The following DLGAP1 variants were observed in gnomAD, a reference collection of about 807,000 sequenced individuals.
DLGAP1 encodes the protein disks large-associated protein 1.
Under a neutral mutation model 90.8 loss-of-function variants are expected in DLGAP1, and 11 were observed. That is an observed-to-expected ratio of 0.12 (90% confidence interval 0.08 to 0.20). DLGAP1 has a LOEUF of 0.20. DLGAP1 is among the 10% of genes least tolerant of loss of function. The pLI, the probability that DLGAP1 is intolerant of heterozygous loss-of-function variation, is 1.00. For missense variants in DLGAP1, 1,050 were observed against 1,333.8 expected (o/e 0.79, Z 3.31); for synonymous variants, 558 against 540.7 (o/e 1.03, Z -0.44).
intron 5 of DLGAP1, among the ~76,000 whole-genome samples, chr18:3,749,148 C>CTTTTTT (rs776707431): frequency 8.1e-4 from 98 of 120,624 alleles, no homozygotes; most frequent in Non-Finnish European, 1.0e-3. Flanking sequence ...TCTTCTTCTT[C>CTTTTTT]TTTTTTTTTT....
At chr18:3,857,580 T>C (rs939393429) in intron 4 of DLGAP1, among the ~76,000 whole-genome samples, 41 of 152,210 alleles carry the variant, frequency 2.7e-4, no homozygotes, top group African/African-American at 8.4e-4. Context: ...TCCTTGGTAG[T>C]TGACTTTGTT....
intron 2 of DLGAP1, among the ~76,000 whole-genome samples, chr18:4,029,931 T>G (rs1313922787): frequency 6.6e-6 from 1 of 152,210 alleles, no homozygotes; most frequent in African/African-American, 2.4e-5. Context: ...ACAGCATTGA[T>G]CACCTTCTCA....
Position 3,582,239 on chromosome 18 carries a change from C to G in DLGAP1, c.1601G>C (p.Cys534Ser). 1.2e-6 allele frequency: 2 copies of G among 1,611,676 alleles called. No individual in the cohort carries two copies. Among genetic ancestry groups the G allele is most frequent in the Non-Finnish European group, 1.7e-6 (2 of 1,178,436 alleles). ...TGGTGTCTTCTTATATGTTGTAATGCAAGATGACACTGGAAGACAGTGAAA... is the reference window on the plus strand; with the variant it reads ...TGGTGTCTTCTTATATGTTGTAATGGAAGATGACACTGGAAGACAGTGAAA... Reference protein sequence around the residue: ...RTIQSSTVSSCITTYKKTPPP... With the variant: ...RTIQSSTVSSSITTYKKTPPP... Residue 534 changes from cysteine to serine, a missense_variant, in exon 8 of 13, where the codon TGC becomes TCC. Cys to Ser is a moderately radical substitution (Grantham distance 112). Transcript: ENST00000315677.
chr18:3,743,902 G>A (rs1034438258), intron 5 of DLGAP1, among the ~76,000 whole-genome samples: 1 of 152,102 alleles, frequency 6.6e-6, no homozygotes, highest in South Asian at 2.1e-4. Flanking sequence ...TGCCTGCCTC[G>A]GCCTCCCAAA....
At chr18:4,220,205 C>G (rs2078045528) in intron 1 of DLGAP1, among the ~76,000 whole-genome samples, 1 of 151,996 alleles carries the variant, frequency 6.6e-6, no homozygotes, top group African/African-American at 2.4e-5. Context: ...TAAATTTACC[C>G]CTAAGTATTT....
intron 1 of DLGAP1, among the ~76,000 whole-genome samples, chr18:4,240,296 C>T (rs1347603583): frequency 6.6e-6 from 1 of 151,962 alleles, no homozygotes; most frequent in African/African-American, 2.4e-5. Flanking sequence ...TATATTTATG[C>T]ATTAAAATCT....
chr18:4,227,560 C>A (rs533436230), intron 1 of DLGAP1, among the ~76,000 whole-genome samples: 1 of 151,686 alleles, frequency 6.6e-6, no homozygotes, highest in Non-Finnish European at 1.5e-5. Context: ...TAAAACTATG[C>A]AAACACATGG....
chr18:3,805,015 C>T (rs978900328), intron 5 of DLGAP1, among the ~76,000 whole-genome samples: 1 of 152,156 alleles, frequency 6.6e-6, no homozygotes, highest in Non-Finnish European at 1.5e-5. Context: ...TCATCTTCTC[C>T]CCCATTAGAT....
intron 3 of DLGAP1, among the ~76,000 whole-genome samples, chr18:3,913,853 T>A (rs73940292): frequency 0.029 from 4,361 of 152,198 alleles, 203 homozygotes; most frequent in African/African-American, 0.096. Context: ...CATTACAAGG[T>A]TGATATATAT....
chr18:4,085,075 T>A (rs2075663116), intron 2 of DLGAP1, among the ~76,000 whole-genome samples: 2 of 152,212 alleles, frequency 1.3e-5, no homozygotes, highest in Non-Finnish European at 1.5e-5. Flanking sequence ...GATTATTCTA[T>A]ATTATTTTAT....
intron 8 of DLGAP1, among the ~76,000 whole-genome samples, chr18:3,572,232 A>G (rs2051420270): frequency 6.6e-6 from 1 of 151,840 alleles, no homozygotes; most frequent in Admixed American, 6.6e-5. Flanking sequence ...AAAGGTGGAC[A>G]TGTATATTAT....
intron 7 of DLGAP1, among the ~76,000 whole-genome samples, chr18:3,687,639 A>G (rs901269598): frequency 1.3e-5 from 2 of 152,208 alleles, no homozygotes; most frequent in African/African-American, 4.8e-5. Context: ...TCACAATGGA[A>G]AAGTACTTTC....
intron 8 of DLGAP1, among the ~76,000 whole-genome samples, chr18:3,578,408 G>A (rs1249845829): frequency 2.0e-5 from 3 of 150,980 alleles, no homozygotes; most frequent in African/African-American, 7.3e-5. Context: ...CCAGGCTGGA[G>A]TGCAGTGGTA....
chr18:3,560,589 CAA>C (rs59239504), intron 9 of DLGAP1, among the ~76,000 whole-genome samples: 32 of 69,926 alleles, frequency 4.6e-4, no homozygotes, highest in East Asian at 6.2e-4. Flanking sequence ...GACTCAGTCT[CAA>C]AAAAAAAAAA....
chr18:3,961,407 C>T (rs927505031), intron 3 of DLGAP1, among the ~76,000 whole-genome samples: 1 of 152,196 alleles, frequency 6.6e-6, no homozygotes, highest in Non-Finnish European at 1.5e-5. Flanking sequence ...TTCTCTCCCT[C>T]CTCCCCGTCT....
At chr18:3,772,937 G>A (rs1247776675) in intron 5 of DLGAP1, among the ~76,000 whole-genome samples, 1 of 152,126 alleles carries the variant, frequency 6.6e-6, no homozygotes, top group Non-Finnish European at 1.5e-5. Flanking sequence ...GCATGGTATT[G>A]AACGGAGCCC....
chr18:4,385,416 G>A (rs7242025), intron 1 of DLGAP1, among the ~76,000 whole-genome samples: 6,415 of 152,204 alleles, frequency 0.042, 431 homozygotes, highest in African/African-American at 0.15. Flanking sequence ...AACGGCATTA[G>A]ATTGGATATT....
chr18:3,855,651 T>C (rs1481677579), intron 4 of DLGAP1, among the ~76,000 whole-genome samples: 1 of 152,160 alleles, frequency 6.6e-6, no homozygotes, highest in Non-Finnish European at 1.5e-5. Context: ...TCTCACTCTG[T>C]CATCCAGGCT....
intron 1 of DLGAP1, among the ~76,000 whole-genome samples, chr18:4,257,354 A>G (rs1192072819): frequency 6.6e-6 from 1 of 152,228 alleles, no homozygotes; most frequent in East Asian, 1.9e-4. Flanking sequence ...TCTGATGTCA[A>G]CTGGTTACCC....
Sources: allele counts gnomAD v4.1 joint callset (sites outside exome capture counted in the v4.1 genomes callset), GRCh38; gene constraint gnomAD v4.1.1; transcripts MANE v1.5; gene names NCBI Gene and HGNC (gene_info 2026-07-23, HGNC 2026-07-21).